The following AGTR2 variants were observed in gnomAD, a reference collection of about 807,000 sequenced individuals.
AGTR2 encodes the protein type-2 angiotensin II receptor.
In AGTR2, 15 loss-of-function variants were observed where a neutral mutation model predicts 14.2. That is an observed-to-expected ratio of 1.05 (90% CI 0.70 to 1.62). The LOEUF (loss-of-function observed/expected upper bound fraction) is 1.62, where lower values mean the gene tolerates loss of function less well. AGTR2 is among the 40% of genes most tolerant of loss of function. AGTR2 has a pLI of 0.00. For missense variants in AGTR2, 274 were observed against 273.1 expected, an observed-to-expected ratio of 1.00 and a Z score of -0.02; for synonymous variants, 101 against 98.5, an observed-to-expected ratio of 1.03 and a Z score of -0.15.
rs372265709 is a variant in AGTR2 at position 116,173,100 on chromosome X, G to A, written c.820G>A (p.Val274Ile). ...AFIICWLPFH[V>I]LTFLDALAWM... ...CATCATTTGCTGGCTTCCCTTCCAT[G>A]TTCTGACCTTCCTGGATGCTCTGGC... The change falls in exon 3 of 3, where the codon GTT (valine) becomes ATT (isoleucine). Residue 274 changes from valine to isoleucine, a missense_variant. Val to Ile is a conservative substitution (Grantham distance 29). Transcript: ENST00000371906. 5 of 1,207,805 alleles carry A rather than the reference G, an allele frequency of 4.1e-6. No homozygotes were observed. The African/African-American group carries it at 7.0e-5, about 17-fold the overall frequency.
intron 2 of AGTR2, 42 bp from the exon 3 acceptor site, chrX:116,172,204 G>A: frequency 1.8e-6 from 2 of 1,137,840 alleles, no homozygotes; most frequent in Non-Finnish European, 2.4e-6. Flanking sequence ...GATGTCCTCA[G>A]CTCTGTATGT....
Position 116,172,516 on chromosome X carries a change from C to A in AGTR2, c.236C>A (p.Ser79Tyr), listed in dbSNP as rs782664096. 5 of 1,209,730 alleles carry A rather than the reference C, an allele frequency of 4.1e-6. No individual in the cohort carries two copies. The South Asian group carries it at 8.8e-5, about 21-fold the overall frequency. The change falls in exon 3 of 3, where the codon TCT (serine) becomes TAT (tyrosine). Residue 79 changes from serine (S) to tyrosine (Y), a missense_variant. By Grantham distance (144) the Ser-to-Tyr change is moderately radical (BLOSUM62 -2). Transcript: ENST00000371906. ...FCCQKGPKKVSSIYIFNLAVA... is the reference protein window; with the variant it reads ...FCCQKGPKKVYSIYIFNLAVA... ...TGTCAAAAGGGTCCTAAAAAGGTTT[C>A]TAGCATATACATCTTCAACCTCGCT...
chrX:116,173,328 C>T lies in AGTR2; in HGVS notation c.1048C>T (p.Arg350Trp), dbSNP rs782693661. The change falls in exon 3 of 3, where the codon CGG becomes TGG. Residue 350 changes from arginine to tryptophan, a missense_variant. By Grantham distance (101) the Arg-to-Trp change is moderately radical (BLOSUM62 -3). Transcript: ENST00000371906. ...AGGGAAAAGAGAGAGTATGTCTTGC[C>T]GGAAAAGCAGTTCTCTTAGAGAAAT... ...LQGKRESMSC[R>W]KSSSLREMET... 2 of 1,211,015 alleles carry T rather than the reference C, an allele frequency of 1.7e-6. No homozygotes were observed. The highest frequency in any genetic ancestry group is 3.0e-5 in the East Asian group (1 of 33,832).
chrX:116,174,952 T>TA lies in AGTR2; in HGVS notation c.*1584dup, dbSNP rs1556674024. On this transcript the variant is annotated 3_prime_UTR_variant, in exon 3 of 3. Coordinates refer to ENST00000371906, the MANE Select transcript of AGTR2 (RefSeq NM_000686.5). ...AATTTTGTAAAACAGCTCATATAAA[T>TA]AAAATTTTTAATTGGAAGAACATTC... 1 of 123,527 alleles carries TA rather than the reference T, an allele frequency of 8.1e-6. No individual in the cohort carries two copies. Among genetic ancestry groups the TA allele is most frequent in the African/African-American group, 3.2e-5 (1 of 30,972 alleles). The allele number at this position is 123,527 out of a possible 1,213,427, so 10.2% of individuals were successfully genotyped here.
Position 116,173,132 on chromosome X carries a change from G to A in AGTR2, c.852G>A (p.Met284Ile). 8.3e-7 allele frequency: 1 copy of A among 1,207,476 alleles called. No homozygotes were observed. Among genetic ancestry groups the A allele is most frequent in the Admixed American group, 2.2e-5 (1 of 45,767 alleles). The change falls in exon 3 of 3, where the codon ATG becomes ATA. Residue 284 changes from methionine to isoleucine, a missense_variant. Coordinates refer to ENST00000371906, the MANE Select transcript of AGTR2 (RefSeq NM_000686.5). Reference sequence around the variant, plus strand: ...CCTTCCTGGATGCTCTGGCCTGGATGGGTGTCATTAATAGCTGCGAAGTTA... The same window carrying A: ...CCTTCCTGGATGCTCTGGCCTGGATAGGTGTCATTAATAGCTGCGAAGTTA... ...VLTFLDALAW[M>I]GVINSCEVIA...
Position 116,173,182 on chromosome X carries a change from CT to C in AGTR2, c.906del (p.Phe302LeufsTer85), listed in dbSNP as rs1922523587. On this transcript the variant is annotated frameshift_variant, in exon 3 of 3. Transcript: ENST00000371906. LOFTEE classifies it high-confidence loss of function. ...EVIAVIDLAL[P>X]FAILLGFTNS... ...ATAGCAGTCATTGACCTGGCACTTCCTTTTGCCATCCTCTTGGGATTCACCA... is the reference window on the plus strand; with the variant it reads ...ATAGCAGTCATTGACCTGGCACTTCCTTTGCCATCCTCTTGGGATTCACCA... The C allele has an allele frequency of 1.7e-6, 2 of 1,207,335 alleles. No individual in the cohort carries two copies. Among genetic ancestry groups the C allele is most frequent in the South Asian group, 3.5e-5 (2 of 56,685 alleles).
chrX:116,171,397 C>G (rs17231408), intron 2 of AGTR2, among the ~76,000 whole-genome samples: 44 of 110,581 alleles, frequency 4.0e-4, no homozygotes, highest in African/African-American at 1.4e-3. Flanking sequence ...ATGTTCATTT[C>G]TCATTTCACT....
intron 2 of AGTR2, among the ~76,000 whole-genome samples, chrX:116,171,894 T>C (rs1201206149): frequency 9.0e-6 from 1 of 111,675 alleles, no homozygotes; most frequent in Non-Finnish European, 1.9e-5. Context: ...AGATTAACTT[T>C]TCTTACCTCT....
Position 116,172,410 on chromosome X carries a change from T to G in AGTR2, c.130T>G (p.Leu44Val), listed in dbSNP as rs781786873. Residue 44 changes from leucine (L) to valine (V), a missense_variant, in exon 3 of 3, where the codon TTA becomes GTA. Coordinates refer to ENST00000371906, the MANE Select transcript of AGTR2 (RefSeq NM_000686.5). The stretch of plus-strand genomic sequence containing the variant: ...TTCACAGAAACCATCAGATAAGCAT[T>G]TAGATGCAATTCCTATTCTTTACTA... ...NCSQKPSDKH[L>V]DAIPILYYII... 8.6e-5 allele frequency: 104 copies of G among 1,208,945 alleles called. No homozygotes were observed. The South Asian group carries it at 1.8e-3, about 21-fold the overall frequency.
rs957969111 is a variant in AGTR2 at position 116,174,687 on chromosome X, G to A, written c.*1315G>A. 2 of 121,980 alleles carry A rather than the reference G, an allele frequency of 1.6e-5. No homozygotes were observed. The highest frequency in any genetic ancestry group is 5.7e-4 in the East Asian group (2 of 3,508). 10.1% of individuals were successfully genotyped at this position (121,980 alleles called of 1,213,427 possible). A position where few individuals can be genotyped will look rare whatever the true frequency, so the allele number is the denominator to read the frequency against. On this transcript the variant is annotated 3_prime_UTR_variant, in exon 3 of 3. Transcript: ENST00000371906. ...TTTTAGAAATTTGAGACTTTATTCT[G>A]TACCAGCCCTGTATAATAACAGGTT...
chrX:116,171,892 T>G (rs1922459819), intron 2 of AGTR2, among the ~76,000 whole-genome samples: 1 of 111,636 alleles, frequency 9.0e-6, no homozygotes. Context: ...AAAGATTAAC[T>G]TTTCTTACCT....
rs1260033984 is a variant in AGTR2 at position 116,172,762 on chromosome X, C to T, written c.482C>T (p.Ser161Phe). ...LSQRRNPWQA[S>F]YIVPLVWCMA... ...CAAAGAAGAAATCCCTGGCAAGCATCTTATATAGTTCCCCTTGTTTGGTGT... is the reference window on the plus strand; with the variant it reads ...CAAAGAAGAAATCCCTGGCAAGCATTTTATATAGTTCCCCTTGTTTGGTGT... Residue 161 changes from serine (S) to phenylalanine (F), a missense_variant, in exon 3 of 3, where the codon TCT (serine) becomes TTT (phenylalanine). Physicochemically the swap from Ser to Phe is radical, Grantham distance 155. Coordinates refer to ENST00000371906, the MANE Select transcript of AGTR2 (RefSeq NM_000686.5). 1 of 1,208,979 alleles carries T rather than the reference C, an allele frequency of 8.3e-7. No homozygotes were observed. The highest frequency in any genetic ancestry group is 1.8e-5 in the African/African-American group (1 of 56,943).
At position 116,173,002 on chromosome X, in the gene AGTR2, C is replaced by A; in HGVS notation, c.722C>A (p.Thr241Lys). 8.3e-7 allele frequency: 1 copy of A among 1,211,080 alleles called. No individual in the cohort carries two copies. Among genetic ancestry groups the A allele is most frequent in the South Asian group, 1.8e-5 (1 of 56,967 alleles). Residue 241 changes from threonine to lysine, a missense_variant, in exon 3 of 3, where the codon ACG (threonine) becomes AAG (lysine). Transcript: ENST00000371906. Reference protein sequence around the residue: ...YFGIRKHLLKTNSYGKNRITR... With the variant: ...YFGIRKHLLKKNSYGKNRITR... ...GGAATTAGAAAACACTTACTGAAGA[C>A]GAATAGCTATGGGAAGAACAGGATA...
At position 116,172,597 on chromosome X, in the gene AGTR2, A is replaced by C. The variant is rs1556673722; in HGVS notation, c.317A>C (p.Tyr106Ser). The C allele has an allele frequency of 8.3e-7, 1 of 1,211,135 alleles. No individual in the cohort carries two copies. Among genetic ancestry groups the C allele is most frequent in the Non-Finnish European group, 1.1e-6 (1 of 895,274 alleles). ...TLPLWATYYS[Y>S]RYDWLFGPVM... is the part of the protein sequence containing the mutation. ...CCTCTATGGGCAACCTATTATTCTT[A>C]TAGATATGACTGGCTCTTTGGACCT... The change falls in exon 3 of 3, where the codon TAT (tyrosine) becomes TCT (serine). Residue 106 changes from tyrosine (Y) to serine (S), a missense_variant. Coordinates refer to ENST00000371906, the MANE Select transcript of AGTR2 (RefSeq NM_000686.5).
rs782009334 is a variant in AGTR2, at chrX:116,173,122, T to C, written c.842T>C (p.Leu281Pro). ...CATGTTCTGACCTTCCTGGATGCTC[T>C]GGCCTGGATGGGTGTCATTAATAGC... ...PFHVLTFLDALAWMGVINSCE... is the reference protein window; with the variant it reads ...PFHVLTFLDAPAWMGVINSCE... The change falls in exon 3 of 3, where the codon CTG becomes CCG. Residue 281 changes from leucine (L) to proline (P), a missense_variant. Physicochemically the swap from Leu to Pro is moderately conservative, Grantham distance 98 (BLOSUM62 -3). Coordinates refer to ENST00000371906, the MANE Select transcript of AGTR2 (RefSeq NM_000686.5). 2.5e-6 allele frequency: 3 copies of C among 1,207,243 alleles called. No individual in the cohort carries two copies. The highest frequency in any genetic ancestry group is 5.9e-5 in the East Asian group (2 of 33,718).
chrX:116,173,032 G>C lies in AGTR2; in HGVS notation c.752G>C (p.Arg251Pro). 8.3e-7 allele frequency: 1 copy of C among 1,211,481 alleles called. No homozygotes were observed. The highest frequency in any genetic ancestry group is 3.0e-5 in the East Asian group (1 of 33,839). ...AGCTATGGGAAGAACAGGATAACCC[G>C]TGACCAAGTCCTGAAGATGGCAGCT... ...TNSYGKNRIT[R>P]DQVLKMAAAV... is the part of the protein sequence containing the mutation. The change falls in exon 3 of 3, where the codon CGT becomes CCT. Residue 251 changes from arginine (R) to proline (P), a missense_variant. Physicochemically the swap from Arg to Pro is moderately radical, Grantham distance 103. Coordinates refer to ENST00000371906, the MANE Select transcript of AGTR2 (RefSeq NM_000686.5).
In AGTR2 at chrX:116,172,395, C is replaced by A. The variant is rs1569536529; in HGVS notation, c.115C>A (p.Pro39Thr). Residue 39 changes from proline (P) to threonine (T), a missense_variant, in exon 3 of 3, where the codon CCA becomes ACA. Coordinates refer to ENST00000371906, the MANE Select transcript of AGTR2 (RefSeq NM_000686.5). Reference protein sequence around the residue: ...NESTLNCSQKPSDKHLDAIPI... With the variant: ...NESTLNCSQKTSDKHLDAIPI... ...GTCTACCTTGAACTGTTCACAGAAACCATCAGATAAGCATTTAGATGCAAT... is the reference window on the plus strand; with the variant it reads ...GTCTACCTTGAACTGTTCACAGAAAACATCAGATAAGCATTTAGATGCAAT... The A allele has an allele frequency of 2.5e-6, 3 of 1,211,166 alleles. No homozygotes were observed. The highest frequency in any genetic ancestry group is 3.0e-5 in the East Asian group (1 of 33,828).
At chrX:116,170,894 C>G (rs1922423938) in intron 1 of AGTR2, 74 bp from the exon 2 acceptor site, 1 of 111,562 alleles carries the variant, frequency 9.0e-6, no homozygotes, top group Admixed American at 9.6e-5. Context: ...TATGGATGAA[C>G]TTCTGTTTTT....
In AGTR2 at chrX:116,173,696, T is replaced by A; in HGVS notation, c.*324T>A. 1 of 248,329 alleles carries A rather than the reference T, an allele frequency of 4.0e-6. No individual in the cohort carries two copies. 20.5% of individuals were successfully genotyped at this position (248,329 alleles called of 1,213,427 possible). ...CTCTTTGAAACATGCTTGTGTTTCT[T>A]AGTGGGGTTTTATATCCATTTTTAT... On this transcript the variant is annotated 3_prime_UTR_variant, in exon 3 of 3. Transcript: ENST00000371906.
Sources: allele counts gnomAD v4.1 joint callset (sites outside exome capture counted in the v4.1 genomes callset), GRCh38; gene constraint gnomAD v4.1.1; transcripts MANE v1.5; gene names NCBI Gene and HGNC (gene_info 2026-07-23, HGNC 2026-07-21).